ADARB2: variants seen among roughly 807,000 people sequenced by gnomAD.
ADARB2 encodes the protein adenosine deaminase RNA specific B2 (inactive).
A neutral mutation model predicts 62.2 loss-of-function variants in ADARB2; 25 were observed. That is an observed-to-expected ratio of 0.40 (90% CI 0.29 to 0.56). ADARB2 has a LOEUF of 0.56. Ranked by LOEUF, ADARB2 falls within the 20% of genes least tolerant of loss-of-function variation. The pLI is 0.43. For synonymous variants in ADARB2, 572 were observed against 500.8 expected (o/e 1.14, Z -1.90); for missense variants, 1,071 against 1,077.4 (o/e 0.99, Z 0.08).
chr10:1,412,002 G>A (rs1376547330), intron 1 of ADARB2, among the ~76,000 whole-genome samples: 2 of 152,218 alleles, frequency 1.3e-5, no homozygotes, highest in Non-Finnish European at 2.9e-5. Flanking sequence ...GAGCAGAGAG[G>A]CCTGATGTGT....
At chr10:1,368,081 T>C (rs1832328756) in intron 2 of ADARB2, among the ~76,000 whole-genome samples, 3 of 152,020 alleles carry the variant, frequency 2.0e-5, no homozygotes, top group South Asian at 2.1e-4. Context: ...TTCCCTGACG[T>C]GGGAGCCCAG....
chr10:1,323,375 A>G (rs909524833), intron 3 of ADARB2, among the ~76,000 whole-genome samples: 2 of 152,194 alleles, frequency 1.3e-5, no homozygotes, highest in Non-Finnish European at 2.9e-5. Context: ...GAAGACTGAA[A>G]TAGAAGAAAT....
At chr10:1,300,151 TA>T (rs987935974) in intron 3 of ADARB2, among the ~76,000 whole-genome samples, 23 of 152,346 alleles carry the variant, frequency 1.5e-4, no homozygotes, top group African/African-American at 4.6e-4. Context: ...TTTTTAAAAA[TA>T]AAAACTATCA....
intron 1 of ADARB2, among the ~76,000 whole-genome samples, chr10:1,689,834 A>G (rs768398674): frequency 6.6e-6 from 1 of 152,222 alleles, no homozygotes; most frequent in Non-Finnish European, 1.5e-5. Context: ...GATTTTGATG[A>G]TGTTAGATTG....
intron 4 of ADARB2, among the ~76,000 whole-genome samples, chr10:1,247,995 C>A (rs2131781010): frequency 6.6e-6 from 1 of 152,340 alleles, no homozygotes. Context: ...ACCAAAAATG[C>A]TCTGCACTCA....
chr10:1,200,892 CATT>C (rs1836976544), intron 7 of ADARB2, among the ~76,000 whole-genome samples: 1 of 152,182 alleles, frequency 6.6e-6, no homozygotes, highest in Non-Finnish European at 1.5e-5. Context: ...TTTCTTACAT[CATT>C]GTTCTTTTCA....
At chr10:1,346,103 T>C (rs1022015583) in intron 3 of ADARB2, among the ~76,000 whole-genome samples, 4 of 152,260 alleles carry the variant, frequency 2.6e-5, no homozygotes, top group African/African-American at 7.2e-5. Context: ...ACTGTTGTTC[T>C]GTTCGCCTTT....
At position 1,480,159 on chromosome 10, in the gene ADARB2, A is replaced by C. The variant is rs573406712; in HGVS notation, c.101-100999T>G. On this transcript the variant is annotated intron_variant, in intron 1 of 9. Transcript: ENST00000381312. ...AAGAGAAAGATACTTTACCACTTTT[A>C]TTTAATACAGTATTGGAAATTTTGG... is the stretch of plus-strand genomic sequence containing the variant. Among the ~76,000 whole-genome samples the C allele has an allele frequency of 6.3e-4, 96 of 152,250 alleles. 2 individuals carry two copies. The highest frequency in any genetic ancestry group is 1.1e-3 in the Non-Finnish European group (77 of 68,044).
chr10:1,688,734 T>C (rs1470316773), intron 1 of ADARB2, among the ~76,000 whole-genome samples: 1 of 152,162 alleles, frequency 6.6e-6, no homozygotes, highest in Admixed American at 6.5e-5. Flanking sequence ...CTGGCTCAGT[T>C]TGAGAGGGGA....
At chr10:1,439,263 G>A (rs1235016559) in intron 1 of ADARB2, among the ~76,000 whole-genome samples, 1 of 129,298 alleles carries the variant, frequency 7.7e-6, no homozygotes, top group Non-Finnish European at 1.6e-5. Flanking sequence ...TGGGGCTCCT[G>A]AGTCTCCTCA....
At chr10:1,691,757 A>G (rs1834675777) in intron 1 of ADARB2, among the ~76,000 whole-genome samples, 1 of 151,946 alleles carries the variant, frequency 6.6e-6, no homozygotes, top group South Asian at 2.1e-4. Context: ...CTCCCACCAC[A>G]TCCCACTCAG....
intron 7 of ADARB2, among the ~76,000 whole-genome samples, chr10:1,201,469 A>AAAGC (rs1480611663): frequency 5.3e-5 from 8 of 152,314 alleles, no homozygotes; most frequent in African/African-American, 1.4e-4. Flanking sequence ...CTTCTCCCAG[A>AAAGC]AAGCAAGGGA....
intron 1 of ADARB2, among the ~76,000 whole-genome samples, chr10:1,602,110 G>A (rs1012176074): frequency 2.0e-5 from 3 of 152,128 alleles, no homozygotes; most frequent in Non-Finnish European, 4.4e-5. Flanking sequence ...CGGGGAAGTC[G>A]CTACCCTACC....
chr10:1,442,995 G>A (rs754469116), intron 1 of ADARB2, among the ~76,000 whole-genome samples: 1 of 152,146 alleles, frequency 6.6e-6, no homozygotes, highest in Non-Finnish European at 1.5e-5. Flanking sequence ...AGCAAAGAGG[G>A]ATGAAAACTA....
intron 3 of ADARB2, among the ~76,000 whole-genome samples, chr10:1,315,882 C>T (rs1308709304): frequency 2.0e-5 from 3 of 152,210 alleles, no homozygotes; most frequent in African/African-American, 4.8e-5. Flanking sequence ...TTTAAAATGT[C>T]TTGAATACAT....
chr10:1,641,886 G>A (rs1024728736), intron 1 of ADARB2, among the ~76,000 whole-genome samples: 9 of 151,996 alleles, frequency 5.9e-5, no homozygotes, highest in Admixed American at 3.3e-4. Context: ...GGTGGCGGGC[G>A]CCTGTAATCC....
intron 1 of ADARB2, among the ~76,000 whole-genome samples, chr10:1,473,917 G>A (rs1446187772): frequency 1.6e-4 from 1 of 6,126 alleles, no homozygotes; most frequent in African/African-American, 3.2e-4. Flanking sequence ...CTGAAGCGTG[G>A]CCGATTACGG....
intron 4 of ADARB2, among the ~76,000 whole-genome samples, chr10:1,257,582 A>G (rs1192373419): frequency 6.6e-6 from 1 of 152,232 alleles, no homozygotes; most frequent in Non-Finnish European, 1.5e-5. Context: ...AGCGCTGTGC[A>G]TGAGGACTTC....
At chr10:1,243,754 C>T (rs958962019) in intron 4 of ADARB2, among the ~76,000 whole-genome samples, 1 of 152,232 alleles carries the variant, frequency 6.6e-6, no homozygotes, top group Non-Finnish European at 1.5e-5. Flanking sequence ...CAGCCTCCTT[C>T]CTTCCAGGCA....
Sources: allele counts gnomAD v4.1 joint callset (sites outside exome capture counted in the v4.1 genomes callset), GRCh38; gene constraint gnomAD v4.1.1; transcripts MANE v1.5; gene names NCBI Gene and HGNC (gene_info 2026-07-23, HGNC 2026-07-21).